The following SRD5A2 variants were observed in gnomAD, a reference collection of about 807,000 sequenced individuals.
SRD5A2 encodes the protein steroid 5 alpha-reductase 2, also known as 3-oxo-5-alpha-steroid 4-dehydrogenase 2.
SRD5A2 carries 30 observed loss-of-function variants against 27.4 expected under a neutral mutation model. That is an observed-to-expected ratio of 1.10 (90% CI 0.82 to 1.49). The LOEUF (loss-of-function observed/expected upper bound fraction) is 1.49. SRD5A2 is among the 40% of genes most tolerant of loss of function. SRD5A2 has a pLI of 0.00. For missense variants in SRD5A2, 348 were observed against 323.4 expected, an observed-to-expected ratio of 1.08 and a Z score of -0.58; for synonymous variants, 141 against 133.6, an observed-to-expected ratio of 1.06 and a Z score of -0.38.
the SRD5A2 span, among the ~76,000 whole-genome samples, chr2:31,614,800 C>T: frequency 6.6e-6 from 1 of 151,796 alleles, no homozygotes; most frequent in African/African-American, 2.4e-5. Flanking sequence ...ACCATGTAAG[C>T]CAATGATATG....
chr2:31,595,570 C>A, the SRD5A2 span, among the ~76,000 whole-genome samples: 2 of 149,688 alleles, frequency 1.3e-5, no homozygotes, highest in Non-Finnish European at 3.0e-5. Context: ...AAAAAGTTGC[C>A]AAGGGAAAAA....
chr2:31,611,686 TAA>T, the SRD5A2 span, among the ~76,000 whole-genome samples: 1 of 152,128 alleles, frequency 6.6e-6, no homozygotes, highest in Non-Finnish European at 1.5e-5. Context: ...TAATATGCAG[TAA>T]AACCCTCATA....
chr2:31,580,477 G>T (rs904307280), intron 1 of SRD5A2, 143 bp downstream of exon 1: 23 of 1,074,128 alleles, frequency 2.1e-5, no homozygotes, highest in Non-Finnish European at 2.9e-5. Context: ...CGCCAGGTGC[G>T]CCAGGCAGGC....
At chr2:31,569,147 G>A (rs985703755) in intron 1 of SRD5A2, among the ~76,000 whole-genome samples, 8 of 152,362 alleles carry the variant, frequency 5.3e-5, no homozygotes, top group Admixed American at 2.0e-4. Flanking sequence ...GTTCCTGGCC[G>A]TGCCAGCTCT....
chr2:31,553,275 T>G (rs1338436215), intron 1 of SRD5A2, among the ~76,000 whole-genome samples: 1 of 152,070 alleles, frequency 6.6e-6, no homozygotes, highest in East Asian at 1.9e-4. Context: ...CTAAGGGACA[T>G]ATGAGACATC....
chr2:31,552,013 C>T (rs1411293834), intron 1 of SRD5A2, among the ~76,000 whole-genome samples: 2 of 151,634 alleles, frequency 1.3e-5, no homozygotes, highest in African/African-American at 4.9e-5. Flanking sequence ...AGACTTGACA[C>T]CAAAAGCACC....
At chr2:31,568,687 C>T (rs1049724858) in intron 1 of SRD5A2, among the ~76,000 whole-genome samples, 9 of 152,222 alleles carry the variant, frequency 5.9e-5, no homozygotes, top group Non-Finnish European at 7.3e-5. Context: ...CCCCTTTCCA[C>T]CCAGGAGCCT....
At chr2:31,598,811 CCTTA>C in the SRD5A2 span, among the ~76,000 whole-genome samples, 2 of 151,918 alleles carry the variant, frequency 1.3e-5, no homozygotes, top group Non-Finnish European at 1.5e-5. Context: ...AGATGTAAGT[CCTTA>C]CTTATCAAGA....
chr2:31,654,278 A>G, the SRD5A2 span, among the ~76,000 whole-genome samples: 1 of 152,210 alleles, frequency 6.6e-6, no homozygotes, highest in Non-Finnish European at 1.5e-5. Flanking sequence ...CAGCAGTTGC[A>G]TATCTCAAAG....
intron 1 of SRD5A2, among the ~76,000 whole-genome samples, chr2:31,563,978 A>C (rs1473830467): frequency 6.6e-6 from 1 of 152,108 alleles, no homozygotes; most frequent in Non-Finnish European, 1.5e-5. Context: ...AAAGCTCAAG[A>C]ATATTTATAG....
At chr2:31,651,241 C>T in the SRD5A2 span, 1 of 152,020 alleles carries the variant, frequency 6.6e-6, no homozygotes. Context: ...TGCACAAAGA[C>T]CATTATGGAA....
At chr2:31,637,765 T>C in the SRD5A2 span, among the ~76,000 whole-genome samples, 5 of 152,078 alleles carry the variant, frequency 3.3e-5, no homozygotes, top group Non-Finnish European at 7.4e-5. Flanking sequence ...GCCCCAGTCT[T>C]GGGGTTTGAC....
intron 1 of SRD5A2, among the ~76,000 whole-genome samples, chr2:31,573,333 G>T (rs1666889866): frequency 6.6e-6 from 1 of 152,202 alleles, no homozygotes. Context: ...AAGACAAATT[G>T]CACTGTTGGC....
the SRD5A2 span, among the ~76,000 whole-genome samples, chr2:31,663,007 T>A: frequency 6.6e-6 from 1 of 152,146 alleles, no homozygotes; most frequent in African/African-American, 2.4e-5. Context: ...CTAGGTTGTT[T>A]CACTGCAGAC....
the SRD5A2 span, among the ~76,000 whole-genome samples, chr2:31,629,811 G>A: frequency 6.6e-6 from 1 of 152,124 alleles, no homozygotes; most frequent in Non-Finnish European, 1.5e-5. Flanking sequence ...TGAAAATGTA[G>A]CCCCAAAATT....
chr2:31,610,097 GA>G, the SRD5A2 span, among the ~76,000 whole-genome samples: 1 of 152,092 alleles, frequency 6.6e-6, no homozygotes, highest in Non-Finnish European at 1.5e-5. Flanking sequence ...AACATTTCAA[GA>G]AGAACTAATA....
At chr2:31,537,956 C>T (rs1204178754) in intron 1 of SRD5A2, among the ~76,000 whole-genome samples, 2 of 152,200 alleles carry the variant, frequency 1.3e-5, no homozygotes, top group Admixed American at 6.5e-5. Flanking sequence ...TGGCCTTGTA[C>T]ATCCCAGCCT....
chr2:31,623,380 T>C, the SRD5A2 span, among the ~76,000 whole-genome samples: 15 of 152,108 alleles, frequency 9.9e-5, no homozygotes, highest in East Asian at 3.9e-4. Flanking sequence ...CATAACCACA[T>C]TTACTTAGGA....
At chr2:31,647,890 G>A in the SRD5A2 span, among the ~76,000 whole-genome samples, 11 of 152,194 alleles carry the variant, frequency 7.2e-5, no homozygotes, top group Non-Finnish European at 1.0e-4. Context: ...CTCTGGATGT[G>A]TCTAATTTTT....
Sources: gnomAD v4.1 joint callset for allele counts (sites outside exome capture counted in the v4.1 genomes callset) on GRCh38, gnomAD v4.1.1 for gene constraint, MANE v1.5 for transcripts, NCBI Gene and HGNC (gene_info 2026-07-23, HGNC 2026-07-21) for gene names.